The following CENPP variants were observed in gnomAD, a reference collection of about 807,000 sequenced individuals.
CENPP encodes the protein centromere protein P.
CENPP carries 24 observed loss-of-function variants against 35.6 expected under a neutral mutation model. The observed-to-expected ratio is 0.67, with a 90% CI of 0.49 to 0.95. The LOEUF is 0.95. Ranked by LOEUF, CENPP falls within the 40% of genes least tolerant of loss-of-function variation. The pLI, the probability that CENPP is intolerant of heterozygous loss-of-function variation, is 0.00. For synonymous variants in CENPP, 120 were observed against 125.5 expected (o/e 0.96, Z 0.29); for missense variants, 332 against 345.3 (o/e 0.96, Z 0.31).
chr9:92,481,066 TCTAG>T lies in CENPP; in HGVS notation c.564+101209_564+101212del, dbSNP rs1188324821. On this transcript the variant is annotated intron_variant, in intron 5 of 7. Coordinates refer to ENST00000375587, the MANE Select transcript of CENPP (RefSeq NM_001012267.3). ...TGCCCTTCATTAATTTCTCCACATGTCTAGCAATCAAGCTACTGTCTTAAAAAAC... is the reference window on the plus strand; with the variant it reads ...TGCCCTTCATTAATTTCTCCACATGTCAATCAAGCTACTGTCTTAAAAAAC... Among the ~76,000 whole-genome samples the T allele has an allele frequency of 2.6e-5, 4 of 152,334 alleles. No individual in the cohort carries two copies. In the East Asian group the frequency reaches 5.8e-4, roughly 22 times the overall value.
chr9:92,545,096 G>A (rs1849403355), intron 5 of CENPP, among the ~76,000 whole-genome samples: 1 of 152,166 alleles, frequency 6.6e-6, no homozygotes, highest in African/African-American at 2.4e-5. Flanking sequence ...AGCCCTCGCA[G>A]CCCTCGCTCG....
chr9:92,466,928 TTACTC>T (rs1845336582), intron 5 of CENPP, among the ~76,000 whole-genome samples: 1 of 152,158 alleles, frequency 6.6e-6, no homozygotes. Context: ...TAAAATCTAT[TTACTC>T]TACAAAACTA....
intron 5 of CENPP, among the ~76,000 whole-genome samples, chr9:92,532,644 G>T (rs1848868899): frequency 6.6e-6 from 1 of 151,722 alleles, no homozygotes; most frequent in African/African-American, 2.4e-5. Flanking sequence ...TGACTTCCTT[G>T]TTCTTTTATT....
intron 5 of CENPP, among the ~76,000 whole-genome samples, chr9:92,546,527 C>T (rs774030310): frequency 6.6e-6 from 1 of 151,886 alleles, no homozygotes; most frequent in African/African-American, 2.4e-5. Context: ...GCCTTAAGAG[C>T]TGTAATAGTC....
At chr9:92,551,979 G>GATATATA (rs1413579940) in intron 5 of CENPP, among the ~76,000 whole-genome samples, 223 of 54,778 alleles carry the variant, frequency 4.1e-3, no homozygotes, top group African/African-American at 6.7e-3. Flanking sequence ...ATATATATGT[G>GATATATA]TGTGTATATA....
At chr9:92,387,937 G>T (rs1842501750) in intron 5 of CENPP, among the ~76,000 whole-genome samples, 1 of 145,950 alleles carries the variant, frequency 6.9e-6, no homozygotes, top group Admixed American at 6.8e-5. Flanking sequence ...CTAATTTTTT[G>T]TATTTCAGTA....
At position 92,568,332 on chromosome 9, in the gene CENPP, G is replaced by A. The variant is rs368060694; in HGVS notation, c.565-42982G>A. Among the ~76,000 whole-genome samples the A allele has an allele frequency of 8.3e-4, 126 of 152,196 alleles. 1 individual carries two copies. The highest frequency in any genetic ancestry group is 4.1e-3 in the East Asian group (21 of 5,172). ...TTCCCACCTATGAGTGAGAACATGC[G>A]GTGTTTGGTTTTCTGTTGTTGCGAT... On this transcript the variant is annotated intron_variant, in intron 5 of 7. Transcript: ENST00000375587.
At chr9:92,452,324 G>C (rs1180157175) in intron 5 of CENPP, among the ~76,000 whole-genome samples, 4 of 152,096 alleles carry the variant, frequency 2.6e-5, no homozygotes, top group Non-Finnish European at 5.9e-5. Flanking sequence ...GTTGAATTTT[G>C]TCAAAGGCCT....
intron 4 of CENPP, among the ~76,000 whole-genome samples, chr9:92,374,119 CAAAAAAAAAA>C (rs35803886): frequency 1.0e-5 from 1 of 97,886 alleles, no homozygotes; most frequent in Non-Finnish European, 1.9e-5. Flanking sequence ...CAGCAGTGAC[CAAAAAAAAAA>C]AAAAAAAAAA....
intron 5 of CENPP, among the ~76,000 whole-genome samples, chr9:92,522,062 G>A (rs1183579885): frequency 6.6e-6 from 1 of 151,714 alleles, no homozygotes; most frequent in Non-Finnish European, 1.5e-5. Context: ...TGGTTTTTTG[G>A]GGGTTGTTTT....
At position 92,619,619 on chromosome 9, in the gene CENPP, C is replaced by G. The variant is rs138393379; in HGVS notation, c.*6470C>G. The stretch of plus-strand genomic sequence containing the variant: ...GTCACACAGGAAGCCTCTGCCCCCC[C>G]ACACAACCTTCCTTCCCAGTAGCCA... On this transcript the variant is annotated 3_prime_UTR_variant, in exon 8 of 8. Transcript: ENST00000375587. 1.6e-4 allele frequency: 234 copies of G among 1,453,756 alleles called. 1 individual carries two copies. In the African/African-American group the frequency reaches 2.2e-3, roughly 13 times the overall value. The allele number at this position is 1,453,756 out of a possible 1,614,324, so 90.1% of individuals were successfully genotyped here. A position where few individuals can be genotyped will look rare whatever the true frequency, so the allele number is the denominator to read the frequency against.
chr9:92,616,154 TTA>T lies in CENPP; in HGVS notation c.*3007_*3008del, dbSNP rs1008394753. The T allele has an allele frequency of 2.7e-5, 23 of 838,576 alleles. No individual in the cohort carries two copies. The highest frequency in any genetic ancestry group is 5.6e-5 in the Admixed American group (2 of 35,692). 51.9% of individuals were successfully genotyped at this position (838,576 alleles called of 1,614,324 possible). On this transcript the variant is annotated 3_prime_UTR_variant, in exon 8 of 8. Transcript: ENST00000375587. ...CTTTCTTCTTTCAACTAGTATGTTT[TTA>T]TGTTTTTTCTTTGACTTCTGCAAAG...
At chr9:92,469,465 T>C (rs1845430375) in intron 5 of CENPP, among the ~76,000 whole-genome samples, 1 of 152,014 alleles carries the variant, frequency 6.6e-6, no homozygotes, top group Non-Finnish European at 1.5e-5. Context: ...GCCAGCAGGG[T>C]CCACTGCACT....
chr9:92,439,746 A>G (rs557507016), intron 5 of CENPP, among the ~76,000 whole-genome samples: 2 of 152,204 alleles, frequency 1.3e-5, no homozygotes, highest in Admixed American at 6.5e-5. Context: ...CTTGAGTCTT[A>G]TTGGTCTGAT....
chr9:92,459,181 T>TA (rs976442099), intron 5 of CENPP, among the ~76,000 whole-genome samples: 73 of 151,798 alleles, frequency 4.8e-4, no homozygotes, highest in African/African-American at 1.7e-3. Context: ...TTGGAATGTT[T>TA]AAAAAAAAAT....
intron 4 of CENPP, among the ~76,000 whole-genome samples, chr9:92,358,277 C>T (rs1397136780): frequency 6.6e-6 from 1 of 151,490 alleles, no homozygotes; most frequent in African/African-American, 2.4e-5. Flanking sequence ...GAGTTTCCCT[C>T]TGTCACCCAG....
At chr9:92,374,277 GTGTGTA>G (rs964893353) in intron 4 of CENPP, among the ~76,000 whole-genome samples, 3 of 151,112 alleles carry the variant, frequency 2.0e-5, no homozygotes, top group Non-Finnish European at 3.0e-5. Flanking sequence ...GTGTGTGTGT[GTGTGTA>G]TGTGAACCCC....
chr9:92,543,605 T>C (rs1411115814), intron 5 of CENPP, among the ~76,000 whole-genome samples: 1 of 151,916 alleles, frequency 6.6e-6, no homozygotes, highest in Admixed American at 6.6e-5. Flanking sequence ...GAAATTTCGA[T>C]AGGAATTACA....
At chr9:92,601,074 C>T (rs779600153) in intron 5 of CENPP, among the ~76,000 whole-genome samples, 1 of 152,110 alleles carries the variant, frequency 6.6e-6, no homozygotes, top group Non-Finnish European at 1.5e-5. Context: ...TTTGCGTGTC[C>T]GAGCCTCAGG....
Sources: gnomAD v4.1 joint callset for allele counts (sites outside exome capture counted in the v4.1 genomes callset) on GRCh38, gnomAD v4.1.1 for gene constraint, MANE v1.5 for transcripts, NCBI Gene and HGNC (gene_info 2026-07-23, HGNC 2026-07-21) for gene names.